ESRRG: variants seen among roughly 807,000 people sequenced by gnomAD.
ESRRG encodes estrogen-related receptor gamma.
In ESRRG, 13 loss-of-function variants were observed where a neutral mutation model predicts 44.0. The ratio of observed to expected loss-of-function variants is 0.30; its 90% CI spans 0.19 to 0.47. ESRRG has a LOEUF of 0.47. Among genes scored for constraint, ESRRG ranks in the 20% least tolerant of loss-of-function variants. The pLI is 1.00. For synonymous variants in ESRRG, 215 were observed against 214.6 expected, an observed-to-expected ratio of 1.00 and a Z score of -0.02; for missense variants, 395 against 580.6, an observed-to-expected ratio of 0.68 and a Z score of 3.29.
At chr1:217,004,786 A>C (rs1217687418) in intron 1 of ESRRG, among the ~76,000 whole-genome samples, 1 of 152,190 alleles carries the variant, frequency 6.6e-6, no homozygotes, top group Non-Finnish European at 1.5e-5. Flanking sequence ...CATTATATAT[A>C]TAGTGCCTGT....
intron 2 of ESRRG, among the ~76,000 whole-genome samples, chr1:216,832,357 G>T (rs1425576475): frequency 4.6e-5 from 7 of 152,130 alleles, no homozygotes; most frequent in Non-Finnish European, 1.0e-4. Flanking sequence ...AGTTCCTTTT[G>T]ACTGTTAGTC....
At chr1:217,062,984 T>C (rs1017106095) in intron 1 of ESRRG, among the ~76,000 whole-genome samples, 2 of 152,198 alleles carry the variant, frequency 1.3e-5, no homozygotes, top group African/African-American at 4.8e-5. Context: ...TATGTACCTA[T>C]GTGACCAGCT....
At chr1:216,796,394 G>A (rs964991097) in intron 2 of ESRRG, among the ~76,000 whole-genome samples, 1 of 152,120 alleles carries the variant, frequency 6.6e-6, no homozygotes, top group Non-Finnish European at 1.5e-5. Context: ...ATTTTGGGAT[G>A]CCCTCAATAG....
rs193216582 is a variant in ESRRG at position 217,086,907 on chromosome 1, A to T, written c.-106+2600T>A. Reference sequence around the variant, plus strand: ...GATTTGTTTTGCATCTAACAGAGTCAAACACACAAGACATTTTTTTTTTAA... The same window carrying T: ...GATTTGTTTTGCATCTAACAGAGTCTAACACACAAGACATTTTTTTTTTAA... On this transcript the variant is annotated intron_variant, in intron 1 of 7. Coordinates refer to the ESRRG transcript ENST00000359162. Among the ~76,000 whole-genome samples, 159 of 140,368 alleles carry T rather than the reference A, an allele frequency of 1.1e-3. 1 individual carries two copies. The highest frequency in any genetic ancestry group is 9.3e-3 in the East Asian group (46 of 4,932). The allele number at this position is 140,368 out of a possible 152,430, so 92.1% of individuals were successfully genotyped here. A position where few individuals can be genotyped will look rare whatever the true frequency, so the allele number is the denominator to read the frequency against.
rs115638582 is a variant in ESRRG, at chr1:216,689,451, G to A, written c.57-11960C>T. Among the ~76,000 whole-genome samples the A allele has an allele frequency of 9.5e-3, 1,452 of 152,136 alleles. 20 individuals carry two copies. The highest frequency in any genetic ancestry group is 0.033 in the African/African-American group (1,375 of 41,518). On this transcript the variant is annotated intron_variant, in intron 1 of 6. Coordinates refer to ENST00000408911, the MANE Select transcript of ESRRG (RefSeq NM_001438.4). ...TTGGAGAGACTGTGATATAAAATTT[G>A]TATTTATCACAGGCCTGATTATCAT...
intron 3 of ESRRG, among the ~76,000 whole-genome samples, chr1:216,642,148 CT>C (rs1166316795): frequency 2.6e-5 from 4 of 152,146 alleles, no homozygotes; most frequent in Non-Finnish European, 4.4e-5. Context: ...AAAATACCCA[CT>C]ACAGAACCTA....
chr1:217,102,786 C>T (rs938851477), intron 1 of ESRRG, among the ~76,000 whole-genome samples: 3 of 152,070 alleles, frequency 2.0e-5, no homozygotes, highest in East Asian at 1.9e-4. Context: ...GACACTGGCA[C>T]ATAAACATCA....
intron 1 of ESRRG, among the ~76,000 whole-genome samples, chr1:217,014,057 T>G (rs945362422): frequency 6.6e-6 from 1 of 152,088 alleles, no homozygotes; most frequent in African/African-American, 2.4e-5. Context: ...TGCATCTGCT[T>G]GGAGGATTCC....
intron 2 of ESRRG, among the ~76,000 whole-genome samples, chr1:216,878,581 G>C (rs980535261): frequency 7.2e-5 from 11 of 152,072 alleles, no homozygotes; most frequent in African/African-American, 2.7e-4. Flanking sequence ...GTCTTGGTAA[G>C]AGGCATTAGG....
intron 3 of ESRRG, among the ~76,000 whole-genome samples, chr1:216,647,628 T>C (rs2067921819): frequency 1.3e-5 from 2 of 152,328 alleles, no homozygotes; most frequent in South Asian, 4.1e-4. Flanking sequence ...GTTTACCTAC[T>C]AAACCATCAC....
At chr1:216,874,499 A>G (rs574157276) in intron 2 of ESRRG, among the ~76,000 whole-genome samples, 2 of 152,206 alleles carry the variant, frequency 1.3e-5, no homozygotes, top group Non-Finnish European at 2.9e-5. Flanking sequence ...CACACAAACT[A>G]TTCCCTGAGA....
chr1:216,897,724 T>C (rs761040367), intron 2 of ESRRG, among the ~76,000 whole-genome samples: 4 of 152,104 alleles, frequency 2.6e-5, no homozygotes, highest in Admixed American at 1.3e-4. Flanking sequence ...TAGGGTTCAA[T>C]TGCCTCAGTT....
chr1:216,860,025 A>C (rs1464622841), intron 2 of ESRRG, among the ~76,000 whole-genome samples: 1 of 152,182 alleles, frequency 6.6e-6, no homozygotes, highest in Non-Finnish European at 1.5e-5. Flanking sequence ...ACACTTTGGC[A>C]GGCCAAGGTG....
intron 2 of ESRRG, among the ~76,000 whole-genome samples, chr1:216,822,125 C>A (rs1342177711): frequency 6.6e-6 from 1 of 152,094 alleles, no homozygotes; most frequent in East Asian, 1.9e-4. Flanking sequence ...ATGTATTTTT[C>A]TTTTAGAGTT....
intron 1 of ESRRG, among the ~76,000 whole-genome samples, chr1:216,970,075 T>G (rs1208418332): frequency 4.6e-5 from 7 of 152,164 alleles, no homozygotes; most frequent in Non-Finnish European, 1.0e-4. Flanking sequence ...CATCCCAGAT[T>G]CTAATTCAAA....
At chr1:216,663,622 T>C (rs1053986880) in intron 2 of ESRRG, among the ~76,000 whole-genome samples, 2 of 141,166 alleles carry the variant, frequency 1.4e-5, no homozygotes, top group East Asian at 4.0e-4. Context: ...TTTTTCTCTT[T>C]CTATCATTCA....
At chr1:216,648,142 G>A (rs576015835) in intron 3 of ESRRG, among the ~76,000 whole-genome samples, 27 of 152,280 alleles carry the variant, frequency 1.8e-4, no homozygotes, top group Middle Eastern at 3.4e-3. Flanking sequence ...ATTTCAGACA[G>A]TATCATTCTC....
rs574251807 is a variant in ESRRG at position 217,114,087 on chromosome 1, C to G, written c.-230+23580G>C. On this transcript the variant is annotated intron_variant, in intron 1 of 8. Coordinates refer to the ESRRG transcript ENST00000366940. ...AAAACTCATCAAAGAGATTTGGGAT[C>G]TTTCCTTATACTGTACCACAAAAAG... 3.9e-5 allele frequency among the ~76,000 whole-genome samples: 6 copies of G among 152,074 alleles called. No homozygotes were observed. The East Asian group carries it at 1.2e-3, about 29-fold the overall frequency.
Position 216,829,845 on chromosome 1 carries a change from C to T in ESRRG, c.-14+109737G>A, listed in dbSNP as rs148324971. On this transcript the variant is annotated intron_variant, in intron 2 of 7. Transcript: ENST00000359162. ...CTGGGATTACAGGTGTGAGCCACCG[C>T]GCCCGGCCTGAAATGCCACGTTCTT... Among the ~76,000 whole-genome samples the T allele has an allele frequency of 2.3e-3, 347 of 152,180 alleles. 2 individuals are homozygous for T. The highest frequency in any genetic ancestry group is 7.8e-3 in the African/African-American group (326 of 41,532).
Sources: gnomAD v4.1 joint callset for allele counts (sites outside exome capture counted in the v4.1 genomes callset) on GRCh38, gnomAD v4.1.1 for gene constraint, MANE v1.5 for transcripts, NCBI Gene and HGNC (gene_info 2026-07-23, HGNC 2026-07-21) for gene names.